Variants in SBF2 observed in about 807,000 individuals in gnomAD.
SBF2 encodes myotubularin-related protein 13.
A neutral mutation model predicts 225.2 loss-of-function variants in SBF2; 112 were observed. The observed-to-expected ratio is 0.50, with a 90% CI of 0.43 to 0.58. SBF2 has a LOEUF of 0.58. Ranked by LOEUF, SBF2 falls within the 20% of genes least tolerant of loss-of-function variation. The probability of loss-of-function intolerance (pLI) is 0.00; values close to 1 mark genes in which losing one functional copy is unlikely to be tolerated. For synonymous variants in SBF2, 763 were observed against 773.3 expected, an observed-to-expected ratio of 0.99 and a Z score of 0.22; for missense variants, 1,996 against 2,206.2, an observed-to-expected ratio of 0.90 and a Z score of 1.91.
At chr11:10,028,112 C>T (rs1449131193) in intron 6 of SBF2, among the ~76,000 whole-genome samples, 4 of 152,052 alleles carry the variant, frequency 2.6e-5, no homozygotes, top group African/African-American at 7.2e-5. Context: ...TGGGGTCTCA[C>T]TATGTTGTCC....
intron 6 of SBF2, among the ~76,000 whole-genome samples, chr11:10,014,546 A>G (rs1393246471): frequency 1.4e-5 from 2 of 147,616 alleles, no homozygotes; most frequent in Non-Finnish European, 3.0e-5. Context: ...GGAGTTCACT[A>G]TTTGTTTGCA....
chr11:10,153,982 T>A (rs1955348110), intron 2 of SBF2, among the ~76,000 whole-genome samples: 1 of 152,090 alleles, frequency 6.6e-6, no homozygotes, highest in Admixed American at 6.5e-5. Flanking sequence ...CATATATGTA[T>A]GGGTCTATGT....
chr11:9,847,179 T>C, intron 22 of SBF2, 96 bp from the exon 23 acceptor site: 1 of 1,475,402 alleles, frequency 6.8e-7, no homozygotes, highest in Non-Finnish European at 9.5e-7. Flanking sequence ...TAGAGAAATG[T>C]ATTTGAAGAG....
At chr11:9,985,035 A>T (rs1009598031) in intron 13 of SBF2, among the ~76,000 whole-genome samples, 4 of 152,216 alleles carry the variant, frequency 2.6e-5, no homozygotes, top group African/African-American at 9.6e-5. Flanking sequence ...AAAAAGCAAT[A>T]ACAAAAAACA....
intron 2 of SBF2, among the ~76,000 whole-genome samples, chr11:10,107,351 T>C (rs1243300080): frequency 6.6e-6 from 1 of 152,182 alleles, no homozygotes; most frequent in Non-Finnish European, 1.5e-5. Context: ...TATTAATCAA[T>C]GCAATAACAA....
intron 16 of SBF2, among the ~76,000 whole-genome samples, chr11:9,907,137 C>T (rs1304597234): frequency 6.6e-6 from 1 of 152,096 alleles, no homozygotes; most frequent in Non-Finnish European, 1.5e-5. Flanking sequence ...TACATAAGGA[C>T]AAAAATTAAA....
At chr11:9,834,679 T>A (rs561542964) in intron 26 of SBF2, among the ~76,000 whole-genome samples, 1 of 152,290 alleles carries the variant, frequency 6.6e-6, no homozygotes, top group Admixed American at 6.5e-5. Context: ...AAGACCAAGC[T>A]ATAGACATAA....
intron 1 of SBF2, chr11:10,272,042 C>G: frequency 8.9e-7 from 1 of 1,128,100 alleles, no homozygotes. Flanking sequence ...CAGCAAACTT[C>G]TCTCGAGTCT....
At chr11:10,215,202 T>C (rs1392209198) in intron 1 of SBF2, among the ~76,000 whole-genome samples, 1 of 152,110 alleles carries the variant, frequency 6.6e-6, no homozygotes, top group Non-Finnish European at 1.5e-5. Context: ...TCAAAGTGCA[T>C]CTGAAGGGTG....
At chr11:9,948,569 A>C (rs1414309462) in intron 16 of SBF2, among the ~76,000 whole-genome samples, 1 of 152,190 alleles carries the variant, frequency 6.6e-6, no homozygotes, top group Non-Finnish European at 1.5e-5. Context: ...TTCTTCAAGA[A>C]TTCTTAGTTC....
intron 2 of SBF2, among the ~76,000 whole-genome samples, chr11:10,056,579 G>A (rs1457471276): frequency 6.6e-6 from 1 of 152,150 alleles, no homozygotes; most frequent in East Asian, 1.9e-4. Context: ...AGTGATTTTC[G>A]TATATTGATT....
intron 2 of SBF2, among the ~76,000 whole-genome samples, chr11:10,115,045 C>T (rs1297281773): frequency 1.3e-5 from 2 of 152,112 alleles, no homozygotes; most frequent in Admixed American, 6.5e-5. Context: ...TCATATGCAA[C>T]TCAAGTTTGT....
chr11:10,099,439 G>A (rs1590953156), intron 2 of SBF2, among the ~76,000 whole-genome samples: 1 of 152,146 alleles, frequency 6.6e-6, no homozygotes, highest in Non-Finnish European at 1.5e-5. Flanking sequence ...CAGTAAACCT[G>A]CCTTACAAGA....
At chr11:10,014,567 C>T (rs1948582782) in intron 6 of SBF2, among the ~76,000 whole-genome samples, 2 of 148,474 alleles carry the variant, frequency 1.3e-5, no homozygotes, top group South Asian at 4.3e-4. Flanking sequence ...ATTCTCTTCC[C>T]AAAACTGTCC....
At chr11:10,212,317 C>T (rs539488499) in intron 1 of SBF2, among the ~76,000 whole-genome samples, 24 of 152,316 alleles carry the variant, frequency 1.6e-4, no homozygotes, top group African/African-American at 5.3e-4. Flanking sequence ...TGGAACACAA[C>T]GGTGTCCTGA....
intron 6 of SBF2, among the ~76,000 whole-genome samples, chr11:10,008,761 G>C (rs907501987): frequency 2.6e-5 from 4 of 152,218 alleles, no homozygotes; most frequent in African/African-American, 9.6e-5. Flanking sequence ...CTTGAGCTGA[G>C]GGGGGCCTAC....
chr11:9,996,636 G>A (rs1205455947), intron 9 of SBF2, among the ~76,000 whole-genome samples: 1 of 152,148 alleles, frequency 6.6e-6, no homozygotes, highest in Non-Finnish European at 1.5e-5. Context: ...TGATCTGCCT[G>A]CCTCGGCCTC....
chr11:9,982,070 CT>C (rs1426160511), intron 13 of SBF2, among the ~76,000 whole-genome samples: 1 of 152,240 alleles, frequency 6.6e-6, no homozygotes, highest in Non-Finnish European at 1.5e-5. Flanking sequence ...TTATTTCACA[CT>C]TTATCACATC....
chr11:9,893,059 C>T (rs10770070), intron 17 of SBF2, among the ~76,000 whole-genome samples: 88,794 of 152,002 alleles, frequency 0.58, 26,424 homozygotes, highest in African/African-American at 0.66. Context: ...TTTTGTTCCA[C>T]TGAAAAAAAT....
Sources: allele counts gnomAD v4.1 joint callset (sites outside exome capture counted in the v4.1 genomes callset), GRCh38; gene constraint gnomAD v4.1.1; transcripts MANE v1.5; gene names NCBI Gene and HGNC (gene_info 2026-07-23, HGNC 2026-07-21).